The following RBFOX1 variants were observed in gnomAD, a reference collection of about 807,000 sequenced individuals.
RBFOX1 encodes the protein RNA binding fox-1 homolog 1, also known as RNA binding protein fox-1 homolog 1.
Under a neutral mutation model 57.7 loss-of-function variants are expected in RBFOX1, and 8 were observed. That is an observed-to-expected ratio of 0.14 (90% CI 0.08 to 0.25). The LOEUF is 0.25. RBFOX1 is among the 10% of genes least tolerant of loss of function. The probability of loss-of-function intolerance (pLI) is 1.00; values close to 1 mark genes in which losing one functional copy is unlikely to be tolerated. For missense variants in RBFOX1, 611 were observed against 548.5 expected, an observed-to-expected ratio of 1.11 and a Z score of -1.14; for synonymous variants, 326 against 222.4, an observed-to-expected ratio of 1.47 and a Z score of -4.15.
chr16:6,582,266 A>G (rs1836136541), intron 2 of RBFOX1, among the ~76,000 whole-genome samples: 1 of 152,200 alleles, frequency 6.6e-6, no homozygotes, highest in African/African-American at 2.4e-5. Context: ...ATGATTAGCT[A>G]TTATTTCTCA....
At chr16:7,263,683 G>T (rs573467329) in intron 4 of RBFOX1, among the ~76,000 whole-genome samples, 2 of 152,012 alleles carry the variant, frequency 1.3e-5, no homozygotes, top group African/African-American at 4.8e-5. Flanking sequence ...ATTACATGAG[G>T]TCAGGAGTTC....
At chr16:5,465,572 G>A (rs1430310243) in intron 1 of RBFOX1, among the ~76,000 whole-genome samples, 2 of 152,174 alleles carry the variant, frequency 1.3e-5, no homozygotes, top group South Asian at 2.1e-4. Flanking sequence ...AATTGTGACT[G>A]TAGGTCAAAG....
intron 3 of RBFOX1, among the ~76,000 whole-genome samples, chr16:5,813,858 A>G (rs1382054191): frequency 6.6e-6 from 1 of 152,248 alleles, no homozygotes; most frequent in Admixed American, 6.5e-5. Context: ...CCCTTTATAT[A>G]GAATTAAACA....
intron 4 of RBFOX1, among the ~76,000 whole-genome samples, chr16:7,334,303 C>T (rs956543490): frequency 5.3e-5 from 8 of 152,104 alleles, no homozygotes; most frequent in African/African-American, 9.7e-5. Flanking sequence ...ATCTGGAGAA[C>T]GGTCCTTTGC....
At chr16:5,825,160 A>G (rs2151813272) in intron 3 of RBFOX1, among the ~76,000 whole-genome samples, 1 of 152,336 alleles carries the variant, frequency 6.6e-6, no homozygotes, top group South Asian at 2.1e-4. Context: ...CCCAGGTTTA[A>G]GTCCCAGCTC....
At chr16:7,374,974 A>G (rs1182883445) in intron 4 of RBFOX1, among the ~76,000 whole-genome samples, 1 of 152,214 alleles carries the variant, frequency 6.6e-6, no homozygotes, top group East Asian at 1.9e-4. Flanking sequence ...ATTAATGTGT[A>G]CAACATCTGT....
intron 3 of RBFOX1, among the ~76,000 whole-genome samples, chr16:5,622,844 A>G (rs2048239067): frequency 6.6e-6 from 1 of 152,212 alleles, no homozygotes; most frequent in Non-Finnish European, 1.5e-5. Context: ...TACGTGTACG[A>G]TGGCTGCGTC....
intron 3 of RBFOX1, among the ~76,000 whole-genome samples, chr16:6,992,818 G>A (rs2091707240): frequency 7.3e-6 from 1 of 137,492 alleles, no homozygotes; most frequent in African/African-American, 2.7e-5. Flanking sequence ...GGCCCAGAAA[G>A]GCTGATTCCT....
chr16:7,213,132 G>C (rs2152800421), intron 4 of RBFOX1, among the ~76,000 whole-genome samples: 1 of 152,232 alleles, frequency 6.6e-6, no homozygotes. Context: ...AGGTTATCCA[G>C]ACCCTGAAGC....
chr16:5,303,952 A>G (rs948810619), intron 1 of RBFOX1, among the ~76,000 whole-genome samples: 5 of 152,208 alleles, frequency 3.3e-5, no homozygotes, highest in Non-Finnish European at 5.9e-5. Flanking sequence ...CATAAATACA[A>G]AACAGGAAAT....
intron 4 of RBFOX1, among the ~76,000 whole-genome samples, chr16:7,288,896 T>C (rs1201879220): frequency 1.3e-5 from 2 of 152,202 alleles, no homozygotes; most frequent in Non-Finnish European, 2.9e-5. Context: ...TGCTTCTTGA[T>C]AGGACATTGG....
chr16:5,663,551 T>C (rs1280386673), intron 3 of RBFOX1, among the ~76,000 whole-genome samples: 1 of 152,288 alleles, frequency 6.6e-6, no homozygotes, highest in Non-Finnish European at 1.5e-5. Context: ...AGTCAAGCAG[T>C]GACCAGTTGT....
intron 4 of RBFOX1, among the ~76,000 whole-genome samples, chr16:7,105,452 A>G (rs374681702): frequency 6.6e-6 from 1 of 152,076 alleles, no homozygotes; most frequent in Admixed American, 6.6e-5. Flanking sequence ...ACTGCACCCA[A>G]TTTGTAGTCT....
intron 3 of RBFOX1, among the ~76,000 whole-genome samples, chr16:6,736,858 C>T (rs950606793): frequency 6.6e-6 from 1 of 152,036 alleles, no homozygotes; most frequent in African/African-American, 2.4e-5. Context: ...AGTGGGATAC[C>T]TAGAGTCTGA....
intron 3 of RBFOX1, among the ~76,000 whole-genome samples, chr16:6,955,642 T>C (rs2081633782): frequency 6.6e-6 from 1 of 152,158 alleles, no homozygotes; most frequent in African/African-American, 2.4e-5. Context: ...ATTAATAGTA[T>C]TTTTCATCTT....
intron 6 of RBFOX1, among the ~76,000 whole-genome samples, chr16:7,581,643 G>C (rs2093771579): frequency 6.6e-6 from 1 of 152,132 alleles, no homozygotes; most frequent in Admixed American, 6.5e-5. Context: ...AGGTAGGGTA[G>C]ACGGCAAGGA....
chr16:7,679,216 T>G (rs1438151574), intron 14 of RBFOX1, among the ~76,000 whole-genome samples: 1 of 152,234 alleles, frequency 6.6e-6, no homozygotes, highest in Non-Finnish European at 1.5e-5. Context: ...AAGAATACCT[T>G]TTTATAGAAG....
chr16:6,874,314 C>T (rs536760439), intron 3 of RBFOX1, among the ~76,000 whole-genome samples: 14 of 151,944 alleles, frequency 9.2e-5, no homozygotes, highest in Admixed American at 2.0e-4. Context: ...GTTTTGAGAC[C>T]AGCCTGGCCA....
intron 1 of RBFOX1, among the ~76,000 whole-genome samples, chr16:6,022,581 C>T (rs1263662222): frequency 1.3e-5 from 2 of 152,072 alleles, no homozygotes; most frequent in Non-Finnish European, 2.9e-5. Flanking sequence ...ACCCTGGAGG[C>T]TGAAGTGGGA....
Sources: allele counts gnomAD v4.1 joint callset (sites outside exome capture counted in the v4.1 genomes callset), GRCh38; gene constraint gnomAD v4.1.1; transcripts MANE v1.5; gene names NCBI Gene and HGNC (gene_info 2026-07-23, HGNC 2026-07-21).